MYOF: variants seen among roughly 807,000 people sequenced by gnomAD.
MYOF encodes the protein fer-1-like 3, myoferlin.
A neutral mutation model predicts 284.2 loss-of-function variants in MYOF; 244 were observed. The observed-to-expected ratio is 0.86, with a 90% CI of 0.77 to 0.95. MYOF has a LOEUF of 0.95. MYOF is among the 40% of genes least tolerant of loss of function. The probability of loss-of-function intolerance (pLI) is 0.00; values close to 1 mark genes in which losing one functional copy is unlikely to be tolerated. For synonymous variants in MYOF, 904 were observed against 919.7 expected, an observed-to-expected ratio of 0.98 and a Z score of 0.31; for missense variants, 2,496 against 2,560.6, an observed-to-expected ratio of 0.97 and a Z score of 0.54.
chr10:93,381,084 C>T (rs1846088342), intron 20 of MYOF, 135 bp downstream of exon 20: 2 of 988,878 alleles, frequency 2.0e-6, no homozygotes, highest in East Asian at 2.6e-5. Flanking sequence ...ACACTCTCTT[C>T]CTCATTCAAC....
In MYOF at chr10:93,401,672, G is replaced by GAGTTC. The variant is rs1262382622; in HGVS notation, c.991-133_991-129dup. 3.6e-5 allele frequency: 45 copies of GAGTTC among 1,239,490 alleles called. No individual in the cohort carries two copies. In the African/African-American group the frequency reaches 6.8e-4, roughly 19 times the overall value. The allele number at this position is 1,239,490 out of a possible 1,614,324, so 76.8% of individuals were successfully genotyped here. ...AAGATTTCCTGTGTTTGGGGCTTAA[G>GAGTTC]AGTTCAGCCTGCCATCAGCCACCAG... On this transcript the variant is annotated intron_variant, in intron 11 of 53. Transcript: ENST00000359263.
intron 28 of MYOF, among the ~76,000 whole-genome samples, chr10:93,360,739 G>A (rs1322629820): frequency 6.6e-6 from 1 of 152,314 alleles, no homozygotes; most frequent in East Asian, 1.9e-4. Context: ...TTGCTGCATA[G>A]GAAGACTTTA....
chr10:93,462,657 A>C (rs146371978), intron 1 of MYOF, among the ~76,000 whole-genome samples: 9 of 152,082 alleles, frequency 5.9e-5, no homozygotes, highest in Non-Finnish European at 1.3e-4. Context: ...ATCTCTTTCA[A>C]GAAGGAGGCT....
At chr10:93,344,030 T>C (rs1352654060) in intron 37 of MYOF, 98 bp from the exon 38 acceptor site, 22 of 1,292,970 alleles carry the variant, frequency 1.7e-5, no homozygotes, top group Non-Finnish European at 1.4e-5. Flanking sequence ...GGGTGGATGG[T>C]AGAGTTTATT....
At chr10:93,429,706 T>A (rs1309413825) in intron 4 of MYOF, among the ~76,000 whole-genome samples, 1 of 152,170 alleles carries the variant, frequency 6.6e-6, no homozygotes, top group Non-Finnish European at 1.5e-5. Context: ...GGACTGCATC[T>A]TTTAATGTAA....
Position 93,408,872 on chromosome 10 carries a change from T to C in MYOF, c.644A>G (p.Asn215Ser). ...GTGAACTTTGACCACAGGCCTTATG[T>C]TGTTACCACTTAACTGTCGGCCCTC... ...VIEGRQLSGN[N>S]IRPVVKVHVC... The change falls in exon 7 of 54, where the codon AAC (asparagine) becomes AGC (serine). Residue 215 changes from asparagine (N) to serine (S), a missense_variant. By Grantham distance (46) the Asn-to-Ser change is conservative. Transcript: ENST00000359263. 1 of 1,614,216 alleles carries C rather than the reference T, an allele frequency of 6.2e-7. No individual in the cohort carries two copies. Among genetic ancestry groups the C allele is most frequent in the Non-Finnish European group, 8.5e-7 (1 of 1,180,028 alleles).
chr10:93,431,601 C>T lies in MYOF; in HGVS notation c.237-85G>A, dbSNP rs1429854212. On this transcript the variant is annotated intron_variant, in intron 3 of 53. Coordinates refer to ENST00000359263, the MANE Select transcript of MYOF (RefSeq NM_013451.4). ...CAGGACCTCTCAACCCCTACCTCTTCATCTGTTAAATCATTGAAGTCACTA... is the reference window on the plus strand; with the variant it reads ...CAGGACCTCTCAACCCCTACCTCTTTATCTGTTAAATCATTGAAGTCACTA... 56 of 972,530 alleles carry T rather than the reference C, an allele frequency of 5.8e-5. No individual in the cohort carries two copies. In the East Asian group the frequency reaches 1.4e-3, roughly 25 times the overall value. 60.2% of individuals were successfully genotyped at this position (972,530 alleles called of 1,614,324 possible). A position where few individuals can be genotyped will look rare whatever the true frequency, so the allele number is the denominator to read the frequency against.
chr10:93,319,773 G>A, intron 49 of MYOF, 99 bp downstream of exon 49: 1 of 1,523,258 alleles, frequency 6.6e-7, no homozygotes, highest in East Asian at 2.3e-5. Context: ...GCCGGACTCA[G>A]TGACCTCCGA....
At chr10:93,371,224 T>G (rs1845575006) in intron 24 of MYOF, among the ~76,000 whole-genome samples, 2 of 152,362 alleles carry the variant, frequency 1.3e-5, no homozygotes, top group South Asian at 4.1e-4. Context: ...TAGCTGAGTA[T>G]GAAAAATTCA....
At chr10:93,337,972 A>T (rs1843698129) in intron 39 of MYOF, 59 bp from the exon 40 acceptor site, 1 of 1,210,286 alleles carries the variant, frequency 8.3e-7, no homozygotes, top group African/African-American at 1.5e-5. Context: ...CAATCGATGC[A>T]GGAAAATGCA....
intron 1 of MYOF, among the ~76,000 whole-genome samples, chr10:93,472,974 C>T (rs871421): frequency 0.4 from 60,478 of 152,056 alleles, 13,900 homozygotes; most frequent in South Asian, 0.55. Flanking sequence ...ATCACAATTG[C>T]TCCCAACAAC....
At chr10:93,450,741 GC>G (rs1157175964) in intron 3 of MYOF, among the ~76,000 whole-genome samples, 18 of 152,170 alleles carry the variant, frequency 1.2e-4, no homozygotes, top group Admixed American at 1.2e-3. Context: ...TCTCACTGCA[GC>G]CTTCAGATTA....
rs974936029 is a variant in MYOF at position 93,482,279 on chromosome 10, G to C, written c.-85C>G. On this transcript the variant is annotated 5_prime_UTR_variant, in exon 1 of 54. Transcript: ENST00000359263. ...CTCCGGGTCGCACCGCCCTGGGAGA[G>C]AAGTTCTCTCCCAGTGAAGGGAGGA... 8.7e-7 allele frequency: 1 copy of C among 1,155,414 alleles called. No individual in the cohort carries two copies. Among genetic ancestry groups the C allele is most frequent in the Non-Finnish European group, 1.3e-6 (1 of 785,596 alleles). The allele number at this position is 1,155,414 out of a possible 1,614,324, so 71.6% of individuals were successfully genotyped here.
chr10:93,395,187 G>A (rs979206657), intron 16 of MYOF, among the ~76,000 whole-genome samples: 4 of 152,162 alleles, frequency 2.6e-5, no homozygotes, highest in African/African-American at 9.7e-5. Context: ...GCTCACGCCT[G>A]TAATCCCAGC....
chr10:93,315,940 G>T (rs1167492518), intron 50 of MYOF, among the ~76,000 whole-genome samples: 1 of 150,680 alleles, frequency 6.6e-6, no homozygotes, highest in Admixed American at 6.7e-5. Flanking sequence ...GGGCAACATA[G>T]TGAGACCTCG....
At position 93,310,586 on chromosome 10, in the gene MYOF, C is replaced by A. The variant is rs770981917; in HGVS notation, c.5947G>T (p.Ala1983Ser). Residue 1983 changes from alanine (A) to serine (S), a missense_variant, in exon 52 of 54, where the codon GCC (alanine) becomes TCC (serine). By Grantham distance (99) the Ala-to-Ser change is moderately conservative. This residue lies in a region of MYOF where 2,436 missense variants were observed against 2,480.7 expected (regional missense o/e 0.98). Transcript: ENST00000359263. ...TTGGGTTCGTCCCGCCCCTTCCCGG[C>A]TGGCCTCTCGTCGGCCTCCTTCTCG... ...LNEKEADERPAGKGRDEPNMN... is the reference protein window; with the variant it reads ...LNEKEADERPSGKGRDEPNMN... The A allele has an allele frequency of 1.2e-5, 19 of 1,614,080 alleles. No homozygotes were observed. The South Asian group carries it at 2.1e-4, about 18-fold the overall frequency.
At chr10:93,333,113 C>A in intron 43 of MYOF, 108 bp downstream of exon 43, 1 of 924,824 alleles carries the variant, frequency 1.1e-6, no homozygotes, top group South Asian at 1.4e-5. Flanking sequence ...TTATCTAGTT[C>A]ACAAACACAG....
chr10:93,401,666 G>A (rs1453934323), intron 11 of MYOF, 122 bp from the exon 12 acceptor site: 1 of 1,326,128 alleles, frequency 7.5e-7, no homozygotes, highest in South Asian at 1.4e-5. Context: ...TGTGTTTGGG[G>A]CTTAAGAGTT....
intron 1 of MYOF, among the ~76,000 whole-genome samples, chr10:93,479,540 C>A (rs1441344051): frequency 6.6e-6 from 1 of 152,058 alleles, no homozygotes; most frequent in African/African-American, 2.4e-5. Flanking sequence ...TTGCTATATC[C>A]CCTCCAGCAC....
Sources: gnomAD v4.1 joint callset for allele counts (sites outside exome capture counted in the v4.1 genomes callset) on GRCh38, gnomAD v4.1.1 for gene constraint, gnomAD v4.1.1 regional missense constraint, MANE v1.5 for transcripts, NCBI Gene and HGNC (gene_info 2026-07-23, HGNC 2026-07-21) for gene names.